Variants in PITPNB observed in about 807,000 individuals in gnomAD.
The protein encoded by PITPNB is phosphatidylinositol transfer protein beta isoform.
A neutral mutation model predicts 45.9 loss-of-function variants in PITPNB; 16 were observed. The ratio of observed to expected loss-of-function variants is 0.35; its 90% confidence interval spans 0.24 to 0.53. The LOEUF (loss-of-function observed/expected upper bound fraction) is 0.53. PITPNB is among the 20% of genes least tolerant of loss of function. The pLI, the probability that PITPNB is intolerant of heterozygous loss-of-function variation, is 0.93. For synonymous variants in PITPNB, 112 were observed against 108.9 expected, an observed-to-expected ratio of 1.03 and a Z score of -0.18; for missense variants, 188 against 330.5, an observed-to-expected ratio of 0.57 and a Z score of 3.34.
intron 7 of PITPNB, among the ~76,000 whole-genome samples, chr22:27,879,312 G>C (rs1289526333): frequency 6.6e-6 from 1 of 152,174 alleles, no homozygotes; most frequent in Non-Finnish European, 1.5e-5. Context: ...ATGGCTATGT[G>C]ATACACTCCA....
intron 4 of PITPNB, 96 bp from the exon 5 acceptor site, chr22:27,897,233 GACTAA>G (rs1935461574): frequency 1.2e-6 from 1 of 830,344 alleles, no homozygotes; most frequent in Non-Finnish European, 2.1e-6. Flanking sequence ...ATGTCACAAA[GACTAA>G]ACTATCTGAA....
At chr22:27,872,717 C>T (rs990451696) in intron 8 of PITPNB, among the ~76,000 whole-genome samples, 19 of 152,090 alleles carry the variant, frequency 1.2e-4, no homozygotes, top group African/African-American at 4.6e-4. Flanking sequence ...CTGTAACTGG[C>T]TTCAGCACAG....
intron 7 of PITPNB, among the ~76,000 whole-genome samples, chr22:27,879,990 T>C (rs1016313612): frequency 6.6e-6 from 1 of 152,160 alleles, no homozygotes; most frequent in Non-Finnish European, 1.5e-5. Context: ...TTTTTTAAAG[T>C]AAGAACAAAA....
intron 1 of PITPNB, among the ~76,000 whole-genome samples, chr22:27,918,867 G>C (rs1369627833): frequency 6.6e-6 from 1 of 152,140 alleles, no homozygotes; most frequent in Non-Finnish European, 1.5e-5. Context: ...GGGGTGGGGG[G>C]TTGGGGAGAA....
At chr22:27,887,816 T>C (rs1287520721) in intron 7 of PITPNB, among the ~76,000 whole-genome samples, 3 of 152,160 alleles carry the variant, frequency 2.0e-5, no homozygotes, top group African/African-American at 7.2e-5. Flanking sequence ...ACCGCTAACC[T>C]GCTTCTAAGC....
intron 7 of PITPNB, 105 bp from the exon 8 acceptor site, chr22:27,873,920 A>G: frequency 2.8e-6 from 2 of 725,970 alleles, no homozygotes; most frequent in South Asian, 1.5e-5. Flanking sequence ...ACAGAAATCA[A>G]TTAGACTCAC....
At chr22:27,856,657 A>G (rs1934182626) in intron 10 of PITPNB, among the ~76,000 whole-genome samples, 1 of 152,190 alleles carries the variant, frequency 6.6e-6, no homozygotes, top group African/African-American at 2.4e-5. Context: ...AAAAACTGAG[A>G]GAAGGGCTCT....
At chr22:27,870,830 C>T (rs1934638784) in intron 8 of PITPNB, among the ~76,000 whole-genome samples, 1 of 152,200 alleles carries the variant, frequency 6.6e-6, no homozygotes, top group African/African-American at 2.4e-5. Flanking sequence ...CTTTATTTCC[C>T]TCCACAGCAG....
intron 1 of PITPNB, among the ~76,000 whole-genome samples, chr22:27,918,752 C>A (rs980931165): frequency 4.6e-5 from 7 of 152,184 alleles, no homozygotes; most frequent in Non-Finnish European, 1.0e-4. Flanking sequence ...CCAGGGGACT[C>A]CACCCCGGAC....
chr22:27,890,356 TA>T (rs1212267132), intron 7 of PITPNB, among the ~76,000 whole-genome samples: 1 of 141,198 alleles, frequency 7.1e-6, no homozygotes, highest in Non-Finnish European at 1.5e-5. Flanking sequence ...ATACTGGAAT[TA>T]TTTTTTTTTT....
At chr22:27,871,092 T>C (rs1934647053) in intron 8 of PITPNB, among the ~76,000 whole-genome samples, 1 of 152,170 alleles carries the variant, frequency 6.6e-6, no homozygotes, top group African/African-American at 2.4e-5. Context: ...TCTGCAGAAA[T>C]ACAAAATTCA....
In PITPNB at chr22:27,896,590, C is replaced by A; in HGVS notation, c.334G>T (p.Glu112Ter). The change falls in exon 6 of 12, where the codon GAA (glutamate) becomes TAA (stop). Residue 112 changes from glutamate (E) to a stop codon, truncating the protein, a stop_gained. Transcript: ENST00000335272. LOFTEE classifies it high-confidence loss of function. ...CCCAAGTCTGGTTTGTGCCATGTTT[C>A]GATTTTAATGAAGAAATCATCTTTC... Reference protein sequence around the residue: ...YMKDDFFIKIETWHKPDLGTL... With the variant: ...YMKDDFFIKI The A allele has an allele frequency of 6.2e-7, 1 of 1,611,196 alleles. No homozygotes were observed. Among genetic ancestry groups the A allele is most frequent in the Non-Finnish European group, 8.5e-7 (1 of 1,177,358 alleles).
chr22:27,873,801 A>C lies in PITPNB; in HGVS notation c.471T>G (p.Asp157Glu), dbSNP rs761470903. The C allele has an allele frequency of 6.2e-7, 1 of 1,612,386 alleles. No homozygotes were observed. The highest frequency in any genetic ancestry group is 1.7e-5 in the Admixed American group (1 of 60,034). ...SQVEPADYKA[D>E]EDPALFQSVK... ...CTGACTGGAATAATGCTGGGTCTTC[A>C]TCAGCTTTGTAGTCCTGCAAAGCAA... is the stretch of plus-strand genomic sequence containing the variant. Residue 157 changes from aspartate to glutamate, a missense_variant, in exon 8 of 12, where the codon GAT becomes GAG. Physicochemically the swap from Asp to Glu is conservative, Grantham distance 45 (BLOSUM62 2). Coordinates refer to ENST00000335272, the MANE Select transcript of PITPNB (RefSeq NM_012399.5).
intron 1 of PITPNB, among the ~76,000 whole-genome samples, 198 bp from the exon 2 acceptor site, chr22:27,914,545 G>C (rs1401021499): frequency 6.6e-6 from 1 of 152,048 alleles, no homozygotes; most frequent in East Asian, 1.9e-4. Flanking sequence ...TCATTCCTGG[G>C]TCTCAATGAT....
At chr22:27,856,885 A>G (rs2146344827) in intron 10 of PITPNB, among the ~76,000 whole-genome samples, 1 of 152,272 alleles carries the variant, frequency 6.6e-6, no homozygotes, top group East Asian at 1.9e-4. Flanking sequence ...CTAAAACTGG[A>G]TAGGGTAGCG....
At chr22:27,907,129 G>A (rs2146420092) in intron 3 of PITPNB, among the ~76,000 whole-genome samples, 1 of 152,294 alleles carries the variant, frequency 6.6e-6, no homozygotes, top group South Asian at 2.1e-4. Flanking sequence ...TGGAGTAAAT[G>A]TTGTTGAAAA....
At chr22:27,854,987 G>A in intron 10 of PITPNB, 48 bp from the exon 11 acceptor site, 1 of 1,326,012 alleles carries the variant, frequency 7.5e-7, no homozygotes, top group Admixed American at 1.7e-5. Context: ...ACTCTAAATA[G>A]GGGTTAGTAA....
intron 3 of PITPNB, among the ~76,000 whole-genome samples, chr22:27,898,547 G>A (rs770628800): frequency 6.6e-6 from 1 of 151,986 alleles, no homozygotes. Context: ...GTTCTTAAGA[G>A]TTAGATGACA....
intron 7 of PITPNB, among the ~76,000 whole-genome samples, chr22:27,874,748 G>A (rs969955828): frequency 6.6e-6 from 1 of 152,164 alleles, no homozygotes; most frequent in Non-Finnish European, 1.5e-5. Flanking sequence ...TGGTCGGTTG[G>A]TCAGTTTAAA....
Sources: gnomAD v4.1 joint callset for allele counts (sites outside exome capture counted in the v4.1 genomes callset) on GRCh38, gnomAD v4.1.1 for gene constraint, MANE v1.5 for transcripts, NCBI Gene and HGNC (gene_info 2026-07-23, HGNC 2026-07-21) for gene names.